Variants in ST6GALNAC5 observed in about 807,000 individuals in gnomAD.
The protein encoded by ST6GALNAC5 is alpha-N-acetylgalactosaminide alpha-2,6-sialyltransferase 5.
In ST6GALNAC5, 27 loss-of-function variants were observed where a neutral mutation model predicts 33.6. The ratio of observed to expected loss-of-function variants is 0.80; its 90% CI spans 0.59 to 1.11. ST6GALNAC5 has a LOEUF of 1.11. Ranked by LOEUF, ST6GALNAC5 falls within the 50% of genes least tolerant of loss-of-function variation. The pLI is 0.00. For missense variants in ST6GALNAC5, 428 were observed against 454.0 expected, an observed-to-expected ratio of 0.94 and a Z score of 0.52; for synonymous variants, 194 against 171.2, an observed-to-expected ratio of 1.13 and a Z score of -1.04.
At chr1:76,919,065 G>A (rs1647004956) in intron 2 of ST6GALNAC5, among the ~76,000 whole-genome samples, 1 of 152,058 alleles carries the variant, frequency 6.6e-6, no homozygotes. Flanking sequence ...TGTGAGTGAG[G>A]AGCTTTCTGA....
intron 2 of ST6GALNAC5, among the ~76,000 whole-genome samples, chr1:76,902,769 C>G (rs1646830751): frequency 6.6e-6 from 1 of 152,010 alleles, no homozygotes; most frequent in African/African-American, 2.4e-5. Flanking sequence ...AACAAGGGCA[C>G]CATGGTTATT....
At chr1:77,005,835 A>G (rs1278798663) in intron 2 of ST6GALNAC5, among the ~76,000 whole-genome samples, 1 of 152,206 alleles carries the variant, frequency 6.6e-6, no homozygotes, top group African/African-American at 2.4e-5. Flanking sequence ...TGTTTCATTG[A>G]GCATGTTTTC....
chr1:77,044,268 G>C lies in ST6GALNAC5; in HGVS notation c.326G>C (p.Arg109Pro). Residue 109 changes from arginine to proline, a missense_variant, in exon 3 of 5, where the codon CGG becomes CCG. By Grantham distance (103) the Arg-to-Pro change is moderately radical. Coordinates refer to ENST00000477717, the MANE Select transcript of ST6GALNAC5 (RefSeq NM_030965.3). Reference sequence around the variant, plus strand: ...AGCTCAGGGCATCTGCTGCACAGTCGGCAAGGCTCCCAGATTGACCAGACA... The same window carrying C: ...AGCTCAGGGCATCTGCTGCACAGTCCGCAAGGCTCCCAGATTGACCAGACA... ...VTSSGHLLHS[R>P]QGSQIDQTEC... 2 of 1,613,860 alleles carry C rather than the reference G, an allele frequency of 1.2e-6. No homozygotes were observed. Among genetic ancestry groups the C allele is most frequent in the Non-Finnish European group, 1.7e-6 (2 of 1,180,002 alleles).
intron 2 of ST6GALNAC5, among the ~76,000 whole-genome samples, chr1:76,953,049 GT>G (rs1647816147): frequency 6.6e-6 from 1 of 152,030 alleles, no homozygotes; most frequent in Non-Finnish European, 1.5e-5. Flanking sequence ...GTATTCCATT[GT>G]GCAGATAAAC....
At chr1:77,055,236 C>A (rs1384487742) in intron 4 of ST6GALNAC5, among the ~76,000 whole-genome samples, 1 of 152,160 alleles carries the variant, frequency 6.6e-6, no homozygotes, top group East Asian at 1.9e-4. Context: ...ATCTTCTCTA[C>A]TGATGCATTT....
At chr1:77,053,118 A>G (rs533026965) in intron 4 of ST6GALNAC5, among the ~76,000 whole-genome samples, 25 of 152,254 alleles carry the variant, frequency 1.6e-4, no homozygotes, top group Admixed American at 1.4e-3. Context: ...TACCTTCCTC[A>G]CCACCAGAGA....
At chr1:77,052,190 T>C (rs532015622) in intron 4 of ST6GALNAC5, among the ~76,000 whole-genome samples, 1 of 152,344 alleles carries the variant, frequency 6.6e-6, no homozygotes, top group South Asian at 2.1e-4. Context: ...AAAGGACCCC[T>C]ACGCCCAAGT....
At chr1:76,923,336 C>T (rs892245302) in intron 2 of ST6GALNAC5, among the ~76,000 whole-genome samples, 1 of 151,834 alleles carries the variant, frequency 6.6e-6, no homozygotes, top group African/African-American at 2.4e-5. Flanking sequence ...GACTTACAGC[C>T]ATTGGACGGG....
chr1:76,985,231 T>G (rs28824591), intron 2 of ST6GALNAC5, among the ~76,000 whole-genome samples: 200 of 152,286 alleles, frequency 1.3e-3, no homozygotes, highest in African/African-American at 4.6e-3. Context: ...AATTGTCCCT[T>G]TTTGAAGATG....
intron 2 of ST6GALNAC5, among the ~76,000 whole-genome samples, chr1:76,906,352 T>C (rs1269868428): frequency 1.3e-5 from 2 of 152,136 alleles, no homozygotes; most frequent in Non-Finnish European, 2.9e-5. Flanking sequence ...TTTTCAAGGA[T>C]CATTTCCTCC....
intron 2 of ST6GALNAC5, among the ~76,000 whole-genome samples, chr1:77,028,260 T>C (rs576724011): frequency 1.3e-5 from 2 of 152,296 alleles, no homozygotes; most frequent in African/African-American, 4.8e-5. Flanking sequence ...CCAGAGAAAT[T>C]CACTAAGTCT....
At chr1:77,028,062 G>A (rs1651313173) in intron 2 of ST6GALNAC5, among the ~76,000 whole-genome samples, 1 of 152,202 alleles carries the variant, frequency 6.6e-6, no homozygotes, top group Admixed American at 6.5e-5. Context: ...ATTTAACAAT[G>A]CCTTTCTCCA....
chr1:77,023,093 A>C (rs986946541), intron 2 of ST6GALNAC5, among the ~76,000 whole-genome samples: 1 of 152,218 alleles, frequency 6.6e-6, no homozygotes, highest in Admixed American at 6.5e-5. Flanking sequence ...CCAAGGGACC[A>C]TGTGAGGACA....
intron 2 of ST6GALNAC5, among the ~76,000 whole-genome samples, chr1:76,890,516 C>T (rs1416637812): frequency 6.6e-6 from 1 of 151,084 alleles, no homozygotes; most frequent in Non-Finnish European, 1.5e-5. Flanking sequence ...GTCTGCAATG[C>T]CCATTCATTA....
At chr1:76,978,130 G>C (rs1649094129) in intron 2 of ST6GALNAC5, among the ~76,000 whole-genome samples, 1 of 151,950 alleles carries the variant, frequency 6.6e-6, no homozygotes, top group African/African-American at 2.4e-5. Flanking sequence ...GTATTCTTTT[G>C]AGAAACATCT....
intron 2 of ST6GALNAC5, among the ~76,000 whole-genome samples, chr1:76,963,392 G>T (rs539262743): frequency 2.6e-5 from 4 of 152,292 alleles, no homozygotes; most frequent in East Asian, 1.9e-4. Context: ...GCCTGCAAAG[G>T]CACCATGGAA....
chr1:77,037,286 A>G lies in ST6GALNAC5; in HGVS notation c.262-6918A>G, dbSNP rs560018629. On this transcript the variant is annotated intron_variant, in intron 2 of 4. Coordinates refer to ENST00000477717, the MANE Select transcript of ST6GALNAC5 (RefSeq NM_030965.3). ...CAGCTGGAGGCCATTATCCAAAGTG[A>G]ATTAGTGCAAGAACAGAAAACCAGA... 3.9e-5 allele frequency among the ~76,000 whole-genome samples: 6 copies of G among 152,364 alleles called. No individual in the cohort carries two copies. In the South Asian group the frequency reaches 1.2e-3, roughly 32 times the overall value.
At chr1:76,981,170 G>A (rs939235737) in intron 2 of ST6GALNAC5, among the ~76,000 whole-genome samples, 2 of 152,192 alleles carry the variant, frequency 1.3e-5, no homozygotes, top group Non-Finnish European at 2.9e-5. Flanking sequence ...GAGAGGGCGA[G>A]CTGAAGCAGA....
chr1:76,948,235 G>A (rs1309412994), intron 2 of ST6GALNAC5, among the ~76,000 whole-genome samples: 1 of 152,138 alleles, frequency 6.6e-6, no homozygotes, highest in East Asian at 1.9e-4. Context: ...GCCTAGCCAT[G>A]TGATCCCAAC....
Sources: allele counts gnomAD v4.1 joint callset (sites outside exome capture counted in the v4.1 genomes callset), GRCh38; gene constraint gnomAD v4.1.1; transcripts MANE v1.5; gene names NCBI Gene and HGNC (gene_info 2026-07-23, HGNC 2026-07-21).